PPP6R1: variants seen among roughly 807,000 people sequenced by gnomAD.
The protein encoded by PPP6R1 is protein phosphatase 6 regulatory subunit 1.
Under a neutral mutation model 104.6 loss-of-function variants are expected in PPP6R1, and 39 were observed. The observed-to-expected ratio is 0.37, with a 90% CI of 0.29 to 0.49. The LOEUF (loss-of-function observed/expected upper bound fraction) is 0.49. PPP6R1 is among the 20% of genes least tolerant of loss of function. The pLI, the probability that PPP6R1 is intolerant of heterozygous loss-of-function variation, is 0.98. For missense variants in PPP6R1, 1,181 were observed against 1,155.8 expected (o/e 1.02, Z -0.32); for synonymous variants, 549 against 479.0 (o/e 1.15, Z -1.91).
chr19:55,231,285 C>T, intron 21 of PPP6R1, 125 bp downstream of exon 21: 1 of 1,170,622 alleles, frequency 8.5e-7, no homozygotes, highest in Non-Finnish European at 1.2e-6. Context: ...CAACATGAGG[C>T]TGCGCCTGGG....
chr19:55,254,373 A>C (rs1277491036), intron 1 of PPP6R1, among the ~76,000 whole-genome samples: 1 of 152,240 alleles, frequency 6.6e-6, no homozygotes, highest in Admixed American at 6.5e-5. Context: ...GCTCTGCACT[A>C]TTGCCTCTGG....
chr19:55,238,408 G>A (rs915749575), intron 15 of PPP6R1, among the ~76,000 whole-genome samples: 1 of 152,176 alleles, frequency 6.6e-6, no homozygotes, highest in Non-Finnish European at 1.5e-5. Context: ...GTGCTGTACA[G>A]GGACCCCGGG....
At chr19:55,251,005 AAGCTTGGGTCTACCCCAG>A (rs1341530487) in intron 1 of PPP6R1, among the ~76,000 whole-genome samples, 1 of 152,134 alleles carries the variant, frequency 6.6e-6, no homozygotes, top group Non-Finnish European at 1.5e-5. Flanking sequence ...AGAACACACT[AAGCTTGGGTCTACCCCAG>A]CGACTTTGTC....
At chr19:55,254,514 G>A (rs1329370358) in intron 1 of PPP6R1, among the ~76,000 whole-genome samples, 3 of 152,068 alleles carry the variant, frequency 2.0e-5, no homozygotes, top group Admixed American at 1.3e-4. Flanking sequence ...ACTGCTGCAC[G>A]TATCCGCCCA....
At chr19:55,258,279 G>A (rs1311376945) in intron 1 of PPP6R1, among the ~76,000 whole-genome samples, 156 bp downstream of exon 1, 1 of 152,178 alleles carries the variant, frequency 6.6e-6, no homozygotes, top group Non-Finnish European at 1.5e-5. Context: ...GAAACGGGGT[G>A]CCGTGGAGAG....
chr19:55,239,959 G>A lies in PPP6R1; in HGVS notation c.1477+40C>T, dbSNP rs1387808267. ...GACGTGAGGCATCTCGGGGCTTCAA[G>A]CCCCCCACCTAGCCCTCAGGCCGGC... On this transcript the variant is annotated intron_variant, in intron 12 of 23. Transcript: ENST00000412770. The A allele has an allele frequency of 1.9e-6, 3 of 1,612,018 alleles. No individual in the cohort carries two copies. The East Asian group carries it at 6.7e-5, about 36-fold the overall frequency.
chr19:55,243,596 G>A lies in PPP6R1; in HGVS notation c.619-1108C>T, dbSNP rs553572478. 2.6e-5 allele frequency among the ~76,000 whole-genome samples: 4 copies of A among 151,986 alleles called. No individual in the cohort carries two copies. The South Asian group carries it at 6.2e-4, about 24-fold the overall frequency. ...AGGAGGATTGCTTGAGCCCAGGGGG[G>A]TCAAGGCTACAGTGAGGCAAGATCA... is the stretch of plus-strand genomic sequence containing the variant. On this transcript the variant is annotated intron_variant, in intron 5 of 23. Coordinates refer to ENST00000412770, the MANE Select transcript of PPP6R1 (RefSeq NM_014931.4).
In PPP6R1 at chr19:55,230,253, A is replaced by G. The variant is rs1383646687; in HGVS notation, c.*275T>C. ...CTCGCTCTCCTCCCTCTCTCTATATAATATATAATATATGTTTCTCTCTCT... is the reference window on the plus strand; with the variant it reads ...CTCGCTCTCCTCCCTCTCTCTATATGATATATAATATATGTTTCTCTCTCT... On this transcript the variant is annotated 3_prime_UTR_variant, in exon 24 of 24. Coordinates refer to ENST00000412770, the MANE Select transcript of PPP6R1 (RefSeq NM_014931.4). The G allele has an allele frequency of 3.8e-6, 2 of 527,964 alleles. No individual in the cohort carries two copies. Among genetic ancestry groups the G allele is most frequent in the Admixed American group, 3.2e-5 (1 of 31,722 alleles). 32.7% of individuals were successfully genotyped at this position (527,964 alleles called of 1,614,324 possible).
In PPP6R1 at chr19:55,241,516, C is replaced by A. The variant is rs373025941; in HGVS notation, c.969G>T (p.Arg323=). 6.9e-6 allele frequency: 11 copies of A among 1,589,788 alleles called. No homozygotes were observed. In the African/African-American group the frequency reaches 1.3e-4, roughly 19 times the overall value. ...SVGALHALRP[R]LSCFHQLLLE... ...GCAGGAGCTGGTGGAAGCAGCTGAG[C>A]CGCGGGCGTAGGGCGTGCAAGGCGC... The change falls in exon 8 of 24, where the codon CGG becomes CGT. Residue 323 remains arginine (R), a synonymous_variant. Coordinates refer to ENST00000412770, the MANE Select transcript of PPP6R1 (RefSeq NM_014931.4). This position sits in a 1 kb window ranked among gnomAD's most constrained non-coding sequence, Gnocchi z 5.4.
intron 5 of PPP6R1, among the ~76,000 whole-genome samples, chr19:55,244,402 A>T (rs530005336): frequency 6.6e-6 from 1 of 152,218 alleles, no homozygotes; most frequent in Non-Finnish European, 1.5e-5. Flanking sequence ...CCAGAGCTAA[A>T]GGGGAGGATG....
At chr19:55,239,788 G>A in intron 13 of PPP6R1, 38 bp downstream of exon 13, 1 of 1,603,844 alleles carries the variant, frequency 6.2e-7, no homozygotes, top group Non-Finnish European at 8.5e-7. Context: ...AGAGAGAGAA[G>A]CAGCAGGAGG....
Position 55,231,478 on chromosome 19 carries a change from G to A in PPP6R1, c.2391C>T (p.Ala797=), listed in dbSNP as rs1456985233. The A allele has an allele frequency of 2.5e-6, 4 of 1,608,106 alleles. No individual in the cohort carries two copies. Among genetic ancestry groups the A allele is most frequent in the South Asian group, 1.1e-5 (1 of 89,566 alleles). ...KVTEPSAPCQ[A]LVSIGDLQAT... ...CCTGAAGGTCCCCGATGCTAACCAA[G>A]GCCTGGCAAGGGGCTGTGGGGGATA... Residue 797 remains alanine (A), a synonymous_variant, in exon 21 of 24, where the codon GCC becomes GCT. Coordinates refer to ENST00000412770, the MANE Select transcript of PPP6R1 (RefSeq NM_014931.4).
chr19:55,238,431 A>G (rs939715930), intron 15 of PPP6R1, among the ~76,000 whole-genome samples: 3 of 152,200 alleles, frequency 2.0e-5, no homozygotes, highest in African/African-American at 7.2e-5. Flanking sequence ...AGCCATGGGC[A>G]GCCATCCAGC....
chr19:55,231,816 G>T lies in PPP6R1; in HGVS notation c.2292C>A (p.Asp764Glu). Residue 764 changes from aspartate to glutamate, a missense_variant, in exon 19 of 24, where the codon GAC becomes GAA. Transcript: ENST00000412770. ...TQSLASPPAR[D>E]ALQLRSQDPT... ...CCGGTTCTCACCTGAGCTGCAGGGCGTCACGGGCAGGAGGGCTGGCCAGGC... is the reference window on the plus strand; with the variant it reads ...CCGGTTCTCACCTGAGCTGCAGGGCTTCACGGGCAGGAGGGCTGGCCAGGC... The T allele has an allele frequency of 6.7e-7, 1 of 1,501,184 alleles. No homozygotes were observed. 93.0% of individuals were successfully genotyped at this position (1,501,184 alleles called of 1,614,324 possible).
chr19:55,230,772 A>G lies in PPP6R1; in HGVS notation c.2570+2T>C. 2 of 1,204,042 alleles carry G rather than the reference A, an allele frequency of 1.7e-6. No homozygotes were observed. The highest frequency in any genetic ancestry group is 2.3e-6 in the Non-Finnish European group (2 of 886,552). 74.6% of individuals were successfully genotyped at this position (1,204,042 alleles called of 1,614,324 possible). A position where few individuals can be genotyped will look rare whatever the true frequency, so the allele number is the denominator to read the frequency against. ...CCCCCGCCCTGCTGCCCTGGTGCTC[A>G]CCTCTGGCTTTGGGGAAGCCCCAAG... is the stretch of plus-strand genomic sequence containing the variant. On this transcript the variant is annotated splice_donor_variant, in intron 22 of 23. Coordinates refer to ENST00000412770, the MANE Select transcript of PPP6R1 (RefSeq NM_014931.4). LOFTEE classifies it high-confidence loss of function.
chr19:55,231,577 G>A (rs1370273983), intron 20 of PPP6R1, 21 bp downstream of exon 20: 7 of 1,607,100 alleles, frequency 4.4e-6, no homozygotes, highest in Non-Finnish European at 5.9e-6. Flanking sequence ...CCGCGGGTGG[G>A]CAGGGCAAAG....
intron 5 of PPP6R1, among the ~76,000 whole-genome samples, chr19:55,243,291 T>G (rs1299446326): frequency 6.6e-6 from 1 of 150,888 alleles, no homozygotes; most frequent in Admixed American, 6.6e-5. Flanking sequence ...TAGGCGCCTG[T>G]AGTCCCAGCT....
At chr19:55,242,008 C>T (rs1036251196) in intron 7 of PPP6R1, among the ~76,000 whole-genome samples, 158 bp downstream of exon 7, 4 of 152,170 alleles carry the variant, frequency 2.6e-5, no homozygotes, top group African/African-American at 4.8e-5. Flanking sequence ...ATTCCTCCCT[C>T]GGCCCCGTAC....
At position 55,231,998 on chromosome 19, in the gene PPP6R1, G is replaced by C. The variant is rs757666168; in HGVS notation, c.2126-16C>G. On this transcript the variant is annotated splice_polypyrimidine_tract_variant and intron_variant, in intron 18 of 23. Coordinates refer to ENST00000412770, the MANE Select transcript of PPP6R1 (RefSeq NM_014931.4). Reference sequence around the variant, plus strand: ...CAGCTGGGGCCTGGGATAGAGGTGGGGGAGCGGGATGGAGGGTGAACTCAG... The same window carrying C: ...CAGCTGGGGCCTGGGATAGAGGTGGCGGAGCGGGATGGAGGGTGAACTCAG... 3 of 1,605,222 alleles carry C rather than the reference G, an allele frequency of 1.9e-6. No homozygotes were observed. Among genetic ancestry groups the C allele is most frequent in the Non-Finnish European group, 2.6e-6 (3 of 1,174,266 alleles).
Sources: gnomAD v4.1 joint callset for allele counts (sites outside exome capture counted in the v4.1 genomes callset) on GRCh38, gnomAD v4.1.1 for gene constraint, Gnocchi (gnomAD v3.1) non-coding constraint, MANE v1.5 for transcripts, NCBI Gene and HGNC (gene_info 2026-07-23, HGNC 2026-07-21) for gene names.